The following SYNJ1 variants were observed in gnomAD, a reference collection of about 807,000 sequenced individuals.
SYNJ1 encodes the protein polyphosphatidylinositol phosphatase SYNJ1.
A neutral mutation model predicts 168.2 loss-of-function variants in SYNJ1; 78 were observed. That is an observed-to-expected ratio of 0.46 (90% CI 0.39 to 0.56). SYNJ1 has a LOEUF of 0.56. Ranked by LOEUF, SYNJ1 falls within the 20% of genes least tolerant of loss-of-function variation. The pLI, the probability that SYNJ1 is intolerant of heterozygous loss-of-function variation, is 0.00. For synonymous variants in SYNJ1, 539 were observed against 548.6 expected (o/e 0.98, Z 0.24); for missense variants, 1,303 against 1,597.6 (o/e 0.82, Z 3.14).
chr21:32,672,630 G>A (rs2041251317), intron 14 of SYNJ1, among the ~76,000 whole-genome samples: 1 of 152,114 alleles, frequency 6.6e-6, no homozygotes, highest in South Asian at 2.1e-4. Context: ...GTGAGCCACC[G>A]TGCCCAGCCC....
At chr21:32,656,643 T>C (rs1411596325) in intron 21 of SYNJ1, 44 bp downstream of exon 21, 15 of 1,506,774 alleles carry the variant, frequency 1.0e-5, no homozygotes, top group African/African-American at 1.4e-5. Flanking sequence ...ATAGAAATGA[T>C]TGTTTATGAA....
In SYNJ1 at chr21:32,702,040, T is replaced by G; in HGVS notation, c.132A>C (p.Ala44=). The change falls in exon 3 of 33, where the codon GCA becomes GCC. Residue 44 remains alanine (A), a synonymous_variant. Coordinates refer to ENST00000674351, the MANE Select transcript of SYNJ1 (RefSeq NM_203446.3). ...ATGTACCCTTGATTGCCTCTTTTTC[T>G]GCAGATGCTACAAAAAAAAGTTTTA... ...ESGAVAVLSS[A]EKEAIKGTYS... 7.1e-6 allele frequency: 11 copies of G among 1,550,592 alleles called. No individual in the cohort carries two copies. The highest frequency in any genetic ancestry group is 8.8e-6 in the Non-Finnish European group (10 of 1,139,264).
At chr21:32,651,260 A>T (rs960403627) in intron 22 of SYNJ1, among the ~76,000 whole-genome samples, 1 of 152,206 alleles carries the variant, frequency 6.6e-6, no homozygotes, top group Non-Finnish European at 1.5e-5. Context: ...TATTTTTGGT[A>T]TTTGCAAATG....
At chr21:32,646,635 C>T (rs1045087070) in intron 23 of SYNJ1, 33 bp from the exon 24 acceptor site, 1 of 1,547,634 alleles carries the variant, frequency 6.5e-7, no homozygotes, top group Admixed American at 1.7e-5. Context: ...AGAGATAACT[C>T]CATTTTAACT....
intron 14 of SYNJ1, among the ~76,000 whole-genome samples, chr21:32,671,065 T>C (rs1569072098): frequency 6.6e-6 from 1 of 152,010 alleles, no homozygotes; most frequent in African/African-American, 2.4e-5. Context: ...GCCAAACACT[T>C]TGGAAGGCTG....
chr21:32,639,927 T>C, intron 29 of SYNJ1, 148 bp from the exon 30 acceptor site: 1 of 630,458 alleles, frequency 1.6e-6, no homozygotes, highest in Non-Finnish European at 2.7e-6. Context: ...CTTGAAGCCA[T>C]TATAATGATG....
intron 7 of SYNJ1, among the ~76,000 whole-genome samples, chr21:32,687,443 T>C (rs796370849): frequency 3.3e-5 from 5 of 152,296 alleles, no homozygotes; most frequent in African/African-American, 1.2e-4. Flanking sequence ...CCTACTCCGT[T>C]GAGTATTCAG....
intron 31 of SYNJ1, 96 bp downstream of exon 31, chr21:32,638,812 T>G: frequency 8.3e-7 from 1 of 1,207,714 alleles, no homozygotes; most frequent in Non-Finnish European, 1.1e-6. Flanking sequence ...CGTATTTATT[T>G]TTACTTCTTA....
At chr21:32,708,299 G>A (rs1043224381) in intron 2 of SYNJ1, among the ~76,000 whole-genome samples, 3 of 152,220 alleles carry the variant, frequency 2.0e-5, no homozygotes, top group Non-Finnish European at 4.4e-5. Flanking sequence ...ACCGTGTTAG[G>A]GAGGAAGTTC....
chr21:32,660,386 A>G (rs998935391), intron 18 of SYNJ1, among the ~76,000 whole-genome samples: 5 of 152,258 alleles, frequency 3.3e-5, no homozygotes, highest in Non-Finnish European at 7.3e-5. Context: ...TTGCTATGTG[A>G]AAATCCCCGC....
intron 22 of SYNJ1, among the ~76,000 whole-genome samples, chr21:32,652,355 C>G (rs1162615748): frequency 3.9e-5 from 6 of 152,246 alleles, no homozygotes; most frequent in Admixed American, 3.9e-4. Flanking sequence ...CGCCCACCAC[C>G]ACGCCTGGCT....
chr21:32,636,458 G>A lies in SYNJ1; in HGVS notation c.3916-1574C>T, dbSNP rs1192747156. The stretch of plus-strand genomic sequence containing the variant: ...TTAAATACCTTGTAGATTTGGAATA[G>A]GATAAGTAAAGACTTGTAAAAATTA... On this transcript the variant is annotated intron_variant, in intron 31 of 32. Coordinates refer to ENST00000674351, the MANE Select transcript of SYNJ1 (RefSeq NM_203446.3). Among the ~76,000 whole-genome samples the A allele has an allele frequency of 2.0e-5, 3 of 152,148 alleles. No homozygotes were observed. The East Asian group carries it at 5.8e-4, about 29-fold the overall frequency.
chr21:32,643,526 C>T, intron 26 of SYNJ1, 69 bp from the exon 27 acceptor site: 1 of 1,492,902 alleles, frequency 6.7e-7, no homozygotes, highest in Non-Finnish European at 9.3e-7. Context: ...GGCAGGCACA[C>T]AAGACAATTT....
chr21:32,685,107 G>C (rs1477903102), intron 9 of SYNJ1, among the ~76,000 whole-genome samples: 11 of 149,818 alleles, frequency 7.3e-5, no homozygotes, highest in Non-Finnish European at 1.6e-4. Context: ...GCATGAGCCC[G>C]GGAGGCGGAG....
At chr21:32,709,658 C>T (rs770005755) in intron 2 of SYNJ1, among the ~76,000 whole-genome samples, 30 of 151,050 alleles carry the variant, frequency 2.0e-4, no homozygotes, top group Non-Finnish European at 3.7e-4. Flanking sequence ...GCTGGGATTA[C>T]AGGTGCCCAC....
intron 2 of SYNJ1, among the ~76,000 whole-genome samples, chr21:32,707,283 CTTTTTTTTTTTTT>C (rs367843525): frequency 1.5e-4 from 19 of 130,592 alleles, no homozygotes; most frequent in Non-Finnish European, 2.4e-4. Context: ...TTTCTTTTTC[CTTTTTTTTTTTTT>C]TTTTTTTTGA....
At chr21:32,711,159 C>T (rs574820810) in intron 2 of SYNJ1, among the ~76,000 whole-genome samples, 11 of 152,242 alleles carry the variant, frequency 7.2e-5, no homozygotes, top group African/African-American at 2.6e-4. Context: ...AACTTTTCCT[C>T]GTTAAGCTAC....
At chr21:32,713,324 G>A (rs1410616365) in intron 2 of SYNJ1, among the ~76,000 whole-genome samples, 2 of 141,170 alleles carry the variant, frequency 1.4e-5, no homozygotes, top group African/African-American at 5.4e-5. Flanking sequence ...GATTTCCCAT[G>A]TCAACATGGA....
chr21:32,668,009 ATGTGTG>A (rs3056370), intron 15 of SYNJ1, among the ~76,000 whole-genome samples: 43,897 of 143,788 alleles, frequency 0.31, 6,578 homozygotes, highest in Non-Finnish European at 0.33. Flanking sequence ...AAGAATATAT[ATGTGTG>A]TGTGTGTGTG....
Sources: allele counts gnomAD v4.1 joint callset (sites outside exome capture counted in the v4.1 genomes callset), GRCh38; gene constraint gnomAD v4.1.1; transcripts MANE v1.5; gene names NCBI Gene and HGNC (gene_info 2026-07-23, HGNC 2026-07-21).